MPP4: variants seen among roughly 807,000 people sequenced by gnomAD.
MPP4 encodes the protein MAGUK p55 scaffold protein 4.
A neutral mutation model predicts 98.3 loss-of-function variants in MPP4; 91 were observed. The observed-to-expected ratio is 0.93, with a 90% CI of 0.78 to 1.10. The LOEUF (loss-of-function observed/expected upper bound fraction) is 1.10. MPP4 is among the 50% of genes least tolerant of loss of function. MPP4 has a pLI of 0.00. For missense variants in MPP4, 744 were observed against 792.9 expected (o/e 0.94, Z 0.74); for synonymous variants, 261 against 271.8 (o/e 0.96, Z 0.39).
rs1017207223 is a variant in MPP4 at position 201,664,472 on chromosome 2, C to T, written c.1052-371G>A. 1.4e-5 allele frequency: 11 copies of T among 802,646 alleles called. No individual in the cohort carries two copies. The African/African-American group carries it at 1.4e-4, about 11-fold the overall frequency. The allele number at this position is 802,646 out of a possible 1,614,324, so 49.7% of individuals were successfully genotyped here. On this transcript the variant is annotated intron_variant, in intron 13 of 21. Transcript: ENST00000409474. ...CTCGGCTTTGCTGCAGAGGGCTTGCCGATGTAGGAGGGGTGCACCCTGCCT... is the reference window on the plus strand; with the variant it reads ...CTCGGCTTTGCTGCAGAGGGCTTGCTGATGTAGGAGGGGTGCACCCTGCCT...
chr2:201,651,411 T>C (rs1687709586), intron 18 of MPP4: 1 of 985,436 alleles, frequency 1.0e-6, no homozygotes, highest in Non-Finnish European at 1.2e-6. Flanking sequence ...TCTCAGGTGA[T>C]AGTGAATTAT....
At chr2:201,660,135 T>C (rs1262729908) in intron 15 of MPP4, among the ~76,000 whole-genome samples, 197 bp downstream of exon 15, 1 of 152,212 alleles carries the variant, frequency 6.6e-6, no homozygotes, top group Non-Finnish European at 1.5e-5. Context: ...AAATGTCATA[T>C]CCTTGGAGAA....
At chr2:201,695,288 C>T (rs964847153) in intron 1 of MPP4, among the ~76,000 whole-genome samples, 1 of 152,136 alleles carries the variant, frequency 6.6e-6, no homozygotes, top group African/African-American at 2.4e-5. Context: ...TAAGAAAACA[C>T]GGGCAAAGAA....
intron 16 of MPP4, 79 bp from the exon 17 acceptor site, chr2:201,656,447 G>A: frequency 7.5e-7 from 1 of 1,335,706 alleles, no homozygotes; most frequent in Non-Finnish European, 1.0e-6. Context: ...GAAATATGTA[G>A]CAACCATGAT....
At chr2:201,675,527 T>A (rs867981070) in intron 10 of MPP4, among the ~76,000 whole-genome samples, 1 of 152,336 alleles carries the variant, frequency 6.6e-6, no homozygotes, top group East Asian at 1.9e-4. Flanking sequence ...ATCTCGCACA[T>A]GATCACAAGT....
chr2:201,687,025 G>A (rs1437948571), intron 5 of MPP4, among the ~76,000 whole-genome samples: 2 of 152,140 alleles, frequency 1.3e-5, no homozygotes, highest in African/African-American at 4.8e-5. Flanking sequence ...ATTTTTGGAT[G>A]GGCAATAGCT....
intron 12 of MPP4, among the ~76,000 whole-genome samples, chr2:201,667,887 C>T (rs961879188): frequency 1.3e-5 from 2 of 152,104 alleles, no homozygotes; most frequent in African/African-American, 4.8e-5. Flanking sequence ...CAGGTAGGGA[C>T]ACAGATAAAC....
intron 1 of MPP4, chr2:201,697,936 C>T: frequency 1.0e-6 from 1 of 985,400 alleles, no homozygotes; most frequent in Non-Finnish European, 1.2e-6. Context: ...ACTTACCTTC[C>T]TTTCCATGAC....
At chr2:201,655,095 T>C (rs1400404548) in intron 17 of MPP4, among the ~76,000 whole-genome samples, 178 bp from the exon 18 acceptor site, 1 of 152,240 alleles carries the variant, frequency 6.6e-6, no homozygotes, top group Non-Finnish European at 1.5e-5. Flanking sequence ...GGAATTTTTC[T>C]AGTGACCCAT....
At chr2:201,656,454 T>A (rs1341628722) in intron 16 of MPP4, 86 bp from the exon 17 acceptor site, 1 of 1,308,194 alleles carries the variant, frequency 7.6e-7, no homozygotes, top group Non-Finnish European at 1.0e-6. Context: ...GTAGCAACCA[T>A]GATCCTAAAG....
intron 1 of MPP4, among the ~76,000 whole-genome samples, chr2:201,697,436 G>A (rs890883742): frequency 1.9e-4 from 29 of 152,142 alleles, no homozygotes; most frequent in African/African-American, 6.8e-4. Context: ...TCTGTCTCCC[G>A]CAGGTGTCAT....
chr2:201,672,103 C>T (rs542911886), intron 11 of MPP4, among the ~76,000 whole-genome samples: 4 of 152,226 alleles, frequency 2.6e-5, no homozygotes, highest in East Asian at 3.9e-4. Flanking sequence ...CACTCAAAAC[C>T]GTACAACTAC....
chr2:201,671,713 T>C (rs767306523), intron 11 of MPP4, among the ~76,000 whole-genome samples: 5 of 152,150 alleles, frequency 3.3e-5, no homozygotes, highest in Non-Finnish European at 5.9e-5. Context: ...ATTCTAAATA[T>C]ATATGCACCG....
At chr2:201,687,574 C>A (rs2105945186) in intron 4 of MPP4, among the ~76,000 whole-genome samples, 1 of 152,258 alleles carries the variant, frequency 6.6e-6, no homozygotes, top group African/African-American at 2.4e-5. Context: ...TTTAATATAG[C>A]AAATAGAATT....
At chr2:201,669,300 C>G (rs529143815) in intron 12 of MPP4, among the ~76,000 whole-genome samples, 3 of 152,226 alleles carry the variant, frequency 2.0e-5, no homozygotes, top group Admixed American at 6.5e-5. Flanking sequence ...CTTACCTTCT[C>G]TCAGTGTCAA....
Position 201,685,966 on chromosome 2 carries a change from C to T in MPP4, c.445G>A (p.Glu149Lys), listed in dbSNP as rs755630027. 40 of 1,612,778 alleles carry T rather than the reference C, an allele frequency of 2.5e-5. No individual in the cohort carries two copies. The highest frequency in any genetic ancestry group is 8.3e-5 in the Admixed American group (5 of 59,986). Residue 149 changes from glutamate to lysine, a missense_variant, in exon 6 of 22, where the codon GAG becomes AAG. Coordinates refer to ENST00000409474, the MANE Select transcript of MPP4 (RefSeq NM_033066.3). ...PPLPDNIPES[E>K]EAMRIVCLVK... ...AAACAAACAATCCTCATTGCTTCCT[C>T]ACTCTCAGGGATATTGTCTGGCAGT... is the stretch of plus-strand genomic sequence containing the variant.
intron 16 of MPP4, among the ~76,000 whole-genome samples, chr2:201,657,657 T>C (rs1259298660): frequency 6.7e-6 from 1 of 148,440 alleles, no homozygotes; most frequent in Admixed American, 6.8e-5. Context: ...ATGTGCAAGA[T>C]AGGGGACAGA....
chr2:201,681,105 G>A, intron 9 of MPP4, 71 bp from the exon 10 acceptor site: 19 of 1,475,834 alleles, frequency 1.3e-5, no homozygotes, highest in Non-Finnish European at 1.8e-5. Context: ...CTTGCCCATG[G>A]GCCATCATGA....
At chr2:201,691,670 A>G (rs945617362) in intron 3 of MPP4, among the ~76,000 whole-genome samples, 7 of 152,100 alleles carry the variant, frequency 4.6e-5, no homozygotes, top group African/African-American at 9.7e-5. Context: ...GGTGCGTGCC[A>G]CTGCATATGG....
Sources: gnomAD v4.1 joint callset for allele counts (sites outside exome capture counted in the v4.1 genomes callset) on GRCh38, gnomAD v4.1.1 for gene constraint, MANE v1.5 for transcripts, NCBI Gene and HGNC (gene_info 2026-07-23, HGNC 2026-07-21) for gene names.